CDKAL1: variants seen among roughly 807,000 people sequenced by gnomAD.
The protein encoded by CDKAL1 is threonylcarbamoyladenosine tRNA methylthiotransferase.
A neutral mutation model predicts 68.2 loss-of-function variants in CDKAL1; 32 were observed. The ratio of observed to expected loss-of-function variants is 0.47; its 90% CI spans 0.35 to 0.63. CDKAL1 has a LOEUF of 0.63. CDKAL1 is among the 30% of genes least tolerant of loss of function. The pLI is 0.00. For missense variants in CDKAL1, 606 were observed against 696.7 expected (o/e 0.87, Z 1.47); for synonymous variants, 234 against 244.3 (o/e 0.96, Z 0.39).
intron 2 of CDKAL1, among the ~76,000 whole-genome samples, chr6:20,546,008 A>G (rs538671492): frequency 1.9e-4 from 29 of 152,220 alleles, no homozygotes; most frequent in Non-Finnish European, 4.1e-4. Context: ...CATGAACTGC[A>G]TTTTGTTGTT....
rs1765576197 is a variant in CDKAL1 at position 20,971,096 on chromosome 6, C to G, written c.909+15511C>G. Among the ~76,000 whole-genome samples, 2 of 152,308 alleles carry G rather than the reference C, an allele frequency of 1.3e-5. 1 individual carries two copies. The highest frequency in any genetic ancestry group is 4.8e-5 in the African/African-American group (2 of 41,580). On this transcript the variant is annotated intron_variant, in intron 10 of 15. Coordinates refer to ENST00000274695, the MANE Select transcript of CDKAL1 (RefSeq NM_017774.3). Reference sequence around the variant, plus strand: ...ACTCCTGACCTCGTGATCTGCCTGCCTTGGCCTCCCAAAGTGCTGGGATTA... The same window carrying G: ...ACTCCTGACCTCGTGATCTGCCTGCGTTGGCCTCCCAAAGTGCTGGGATTA...
intron 9 of CDKAL1, among the ~76,000 whole-genome samples, chr6:20,866,111 T>G (rs1156307930): frequency 1.3e-5 from 2 of 152,158 alleles, no homozygotes; most frequent in Non-Finnish European, 2.9e-5. Context: ...TGTTTCTAGT[T>G]TATTTGCAAA....
At chr6:20,865,492 C>A (rs955693602) in intron 9 of CDKAL1, among the ~76,000 whole-genome samples, 1 of 151,972 alleles carries the variant, frequency 6.6e-6, no homozygotes, top group African/African-American at 2.4e-5. Context: ...CAGAGCCAAG[C>A]AAAACTTCTA....
intron 9 of CDKAL1, among the ~76,000 whole-genome samples, chr6:20,937,552 G>A (rs1763781203): frequency 6.6e-6 from 1 of 152,112 alleles, no homozygotes; most frequent in African/African-American, 2.4e-5. Context: ...CACATTACAT[G>A]TGGTTACCAA....
At chr6:21,163,387 C>G (rs1291610304) in intron 13 of CDKAL1, among the ~76,000 whole-genome samples, 1 of 152,152 alleles carries the variant, frequency 6.6e-6, no homozygotes, top group Non-Finnish European at 1.5e-5. Flanking sequence ...TAACCCAAAA[C>G]AAACACCCGC....
intron 5 of CDKAL1, among the ~76,000 whole-genome samples, chr6:20,672,720 G>T (rs1487534617): frequency 1.3e-5 from 2 of 152,042 alleles, no homozygotes; most frequent in Non-Finnish European, 2.9e-5. Flanking sequence ...ATTAACTTTA[G>T]TATCATCTGT....
At chr6:21,076,310 T>C (rs914318332) in intron 12 of CDKAL1, among the ~76,000 whole-genome samples, 1 of 152,196 alleles carries the variant, frequency 6.6e-6, no homozygotes, top group Non-Finnish European at 1.5e-5. Flanking sequence ...CTCAATGACA[T>C]ACAGTGACTC....
chr6:20,804,430 T>A (rs1776483886), intron 8 of CDKAL1, among the ~76,000 whole-genome samples: 1 of 152,248 alleles, frequency 6.6e-6, no homozygotes, highest in Admixed American at 6.5e-5. Context: ...GCTAGTCAGT[T>A]GCTTTTGTTA....
At chr6:20,579,027 G>C (rs1173091492) in intron 4 of CDKAL1, among the ~76,000 whole-genome samples, 1 of 152,202 alleles carries the variant, frequency 6.6e-6, no homozygotes. Context: ...GCCCAGGCTG[G>C]AGTGCAGCAG....
intron 5 of CDKAL1, 41 bp from the exon 6 acceptor site, chr6:20,739,478 T>C (rs1314935831): frequency 7.8e-7 from 1 of 1,276,618 alleles, no homozygotes; most frequent in South Asian, 1.2e-5. Flanking sequence ...AGTATACCCA[T>C]GAGCAAAGGA....
intron 4 of CDKAL1, among the ~76,000 whole-genome samples, chr6:20,549,997 T>A (rs905170981): frequency 6.6e-6 from 1 of 151,918 alleles, no homozygotes; most frequent in Non-Finnish European, 1.5e-5. Flanking sequence ...TTTTTTTTTT[T>A]AGACAGAGTC....
chr6:20,592,209 G>T (rs1765620589), intron 4 of CDKAL1, among the ~76,000 whole-genome samples: 1 of 152,108 alleles, frequency 6.6e-6, no homozygotes, highest in African/African-American at 2.4e-5. Context: ...TATGATTTTT[G>T]CACATTGATT....
chr6:20,848,000 A>T (rs1398505738), intron 9 of CDKAL1, among the ~76,000 whole-genome samples: 1 of 152,184 alleles, frequency 6.6e-6, no homozygotes, highest in Non-Finnish European at 1.5e-5. Flanking sequence ...TGTTCATCCC[A>T]TGTAAATGAA....
intron 12 of CDKAL1, among the ~76,000 whole-genome samples, chr6:21,104,965 G>C (rs577377481): frequency 4.6e-5 from 7 of 152,136 alleles, no homozygotes; most frequent in Admixed American, 6.5e-5. Context: ...CAGTTCTTGG[G>C]GCATCTCCTA....
chr6:20,799,040 G>GTTTTTTTTT (rs754008816), intron 8 of CDKAL1, among the ~76,000 whole-genome samples: 948 of 47,488 alleles, frequency 0.02, 315 homozygotes, highest in Middle Eastern at 0.062. Context: ...AAAGAACTGA[G>GTTTTTTTTT]TTTTTTTTTT....
At chr6:20,963,019 G>A (rs1351504270) in intron 10 of CDKAL1, among the ~76,000 whole-genome samples, 2 of 152,134 alleles carry the variant, frequency 1.3e-5, no homozygotes, top group East Asian at 1.9e-4. Context: ...ATTAAAGAGA[G>A]AAAACTTTTA....
At chr6:21,227,565 C>T (rs778450114) in intron 15 of CDKAL1, among the ~76,000 whole-genome samples, 1 of 152,258 alleles carries the variant, frequency 6.6e-6, no homozygotes, top group Admixed American at 6.5e-5. Context: ...TCCGCGGTCA[C>T]GCTCCCGCCT....
At chr6:21,088,121 T>G (rs1772802224) in intron 12 of CDKAL1, among the ~76,000 whole-genome samples, 1 of 152,208 alleles carries the variant, frequency 6.6e-6, no homozygotes, top group Non-Finnish European at 1.5e-5. Context: ...CTGCCTAGAA[T>G]TTCTCTGTCC....
chr6:21,070,377 GC>G (rs1432130627), intron 12 of CDKAL1, among the ~76,000 whole-genome samples: 1 of 132,908 alleles, frequency 7.5e-6, no homozygotes, highest in Non-Finnish European at 1.6e-5. Flanking sequence ...GTTTGTTTGG[GC>G]TTTTTTCTTT....
Sources: allele counts gnomAD v4.1 joint callset (sites outside exome capture counted in the v4.1 genomes callset), GRCh38; gene constraint gnomAD v4.1.1; transcripts MANE v1.5; gene names NCBI Gene and HGNC (gene_info 2026-07-23, HGNC 2026-07-21).